The following SH3RF3 variants were observed in gnomAD, a reference collection of about 807,000 sequenced individuals.
SH3RF3 encodes the protein SH3 domain containing ring finger 3.
Under a neutral mutation model 66.3 loss-of-function variants are expected in SH3RF3, and 29 were observed. The observed-to-expected ratio is 0.44, with a 90% confidence interval of 0.33 to 0.60. The LOEUF (loss-of-function observed/expected upper bound fraction) is 0.60. Ranked by LOEUF, SH3RF3 falls within the 20% of genes least tolerant of loss-of-function variation. SH3RF3 has a pLI of 0.04. For synonymous variants in SH3RF3, 583 were observed against 532.0 expected (o/e 1.10, Z -1.32); for missense variants, 1,194 against 1,190.9 (o/e 1.00, Z -0.04).
At chr2:109,305,636 G>A (rs983149446) in intron 1 of SH3RF3, among the ~76,000 whole-genome samples, 2 of 152,192 alleles carry the variant, frequency 1.3e-5, no homozygotes, top group Non-Finnish European at 2.9e-5. Context: ...CCTCTTGACT[G>A]TGGGCCTCAT....
chr2:109,302,595 T>C (rs1371854541), intron 1 of SH3RF3, among the ~76,000 whole-genome samples: 1 of 152,178 alleles, frequency 6.6e-6, no homozygotes, highest in Admixed American at 6.5e-5. Flanking sequence ...ATTTTGACAG[T>C]GCTAAATTTC....
At chr2:109,163,355 T>A (rs973908904) in intron 1 of SH3RF3, among the ~76,000 whole-genome samples, 9 of 149,558 alleles carry the variant, frequency 6.0e-5, no homozygotes, top group Non-Finnish European at 8.9e-5. Flanking sequence ...AAGGGCGGAC[T>A]GGAGTTCTCA....
At chr2:109,222,303 A>G (rs1679272811) in intron 1 of SH3RF3, among the ~76,000 whole-genome samples, 1 of 152,366 alleles carries the variant, frequency 6.6e-6, no homozygotes, top group East Asian at 1.9e-4. Flanking sequence ...TTAGTTAACA[A>G]CAATTTATTG....
intron 1 of SH3RF3, among the ~76,000 whole-genome samples, chr2:109,133,912 T>C (rs1336147308): frequency 2.0e-5 from 3 of 151,984 alleles, no homozygotes. Context: ...TAGTCTCTGG[T>C]GGGTGTGGGT....
intron 1 of SH3RF3, among the ~76,000 whole-genome samples, chr2:109,341,234 T>C (rs752855397): frequency 2.0e-5 from 3 of 152,168 alleles, no homozygotes; most frequent in Non-Finnish European, 4.4e-5. Context: ...CGAAATATAA[T>C]TATCTGTAAA....
At chr2:109,320,358 C>T (rs1681993066) in intron 1 of SH3RF3, among the ~76,000 whole-genome samples, 1 of 152,174 alleles carries the variant, frequency 6.6e-6, no homozygotes, top group African/African-American at 2.4e-5. Context: ...TTCCCAAGCC[C>T]ACCTGAGCAG....
At chr2:109,240,453 A>G (rs905346405) in intron 1 of SH3RF3, among the ~76,000 whole-genome samples, 9 of 152,292 alleles carry the variant, frequency 5.9e-5, no homozygotes, top group African/African-American at 1.9e-4. Flanking sequence ...GCACCTCTGC[A>G]CTCCAGCCTG....
intron 1 of SH3RF3, among the ~76,000 whole-genome samples, chr2:109,289,203 G>A: frequency 6.6e-6 from 1 of 152,142 alleles, no homozygotes; most frequent in South Asian, 2.1e-4. Flanking sequence ...TTTCTCTGCT[G>A]TCATATGACT....
chr2:109,358,805 A>G (rs907481715), intron 2 of SH3RF3, among the ~76,000 whole-genome samples: 1 of 152,182 alleles, frequency 6.6e-6, no homozygotes, highest in African/African-American at 2.4e-5. Flanking sequence ...TAACTTATCA[A>G]TTCTTTCTTT....
intron 1 of SH3RF3, among the ~76,000 whole-genome samples, chr2:109,252,401 C>G (rs1475311621): frequency 1.3e-5 from 2 of 152,162 alleles, no homozygotes; most frequent in African/African-American, 4.8e-5. Flanking sequence ...TTAATGTTTA[C>G]TTCTGAAACT....
rs560852386 is a variant in SH3RF3, at chr2:109,366,230, T to C, written c.850-5356T>C. ...AGTAAAATTAATGATGACATTCCAC[T>C]TTATGGGCACCATGCAAATGGGTTT... On this transcript the variant is annotated intron_variant, in intron 2 of 9. Transcript: ENST00000309415. Among the ~76,000 whole-genome samples, 529 of 152,360 alleles carry C rather than the reference T, an allele frequency of 3.5e-3. 4 individuals are homozygous for C. The highest frequency in any genetic ancestry group is 0.011 in the African/African-American group (443 of 41,584).
At chr2:109,152,468 C>G (rs1677245504) in intron 1 of SH3RF3, among the ~76,000 whole-genome samples, 1 of 152,244 alleles carries the variant, frequency 6.6e-6, no homozygotes, top group Admixed American at 6.5e-5. Flanking sequence ...TTCCGGGTGC[C>G]TGATGGGCCT....
At chr2:109,249,037 A>G (rs1382059942) in intron 1 of SH3RF3, among the ~76,000 whole-genome samples, 1 of 151,988 alleles carries the variant, frequency 6.6e-6, no homozygotes, top group African/African-American at 2.4e-5. Context: ...GCATGCCACC[A>G]TGCCCAGCTA....
chr2:109,202,268 C>T, intron 1 of SH3RF3, among the ~76,000 whole-genome samples: 1 of 152,142 alleles, frequency 6.6e-6, no homozygotes, highest in East Asian at 1.9e-4. Context: ...GTGCTGCCTC[C>T]CAGGTCCATC....
intron 2 of SH3RF3, among the ~76,000 whole-genome samples, chr2:109,349,238 G>A (rs115280005): frequency 0.013 from 1,943 of 152,242 alleles, 44 homozygotes; most frequent in African/African-American, 0.044. Context: ...CATGTCCTGC[G>A]TACAGCTGCT....
At chr2:109,302,651 C>T (rs548611522) in intron 1 of SH3RF3, among the ~76,000 whole-genome samples, 80 of 152,290 alleles carry the variant, frequency 5.3e-4, no homozygotes, top group African/African-American at 1.1e-3. Flanking sequence ...AGGTCTGGCT[C>T]GGGATGGCGT....
At chr2:109,411,607 A>G (rs1213989069) in intron 4 of SH3RF3, among the ~76,000 whole-genome samples, 1 of 151,978 alleles carries the variant, frequency 6.6e-6, no homozygotes, top group Admixed American at 6.5e-5. Context: ...ATTTCTTTGT[A>G]CTTTTAGTTT....
chr2:109,247,400 G>C (rs1384249955), intron 1 of SH3RF3, among the ~76,000 whole-genome samples: 1 of 152,204 alleles, frequency 6.6e-6, no homozygotes, highest in Non-Finnish European at 1.5e-5. Context: ...ACTTGTGTAA[G>C]ACCAGCTGAG....
chr2:109,258,073 G>A (rs1201189593), intron 1 of SH3RF3, among the ~76,000 whole-genome samples: 1 of 152,166 alleles, frequency 6.6e-6, no homozygotes, highest in Non-Finnish European at 1.5e-5. Context: ...CCATCCCTGG[G>A]CTACCAGGCA....
Sources: allele counts gnomAD v4.1 joint callset (sites outside exome capture counted in the v4.1 genomes callset), GRCh38; gene constraint gnomAD v4.1.1; transcripts MANE v1.5; gene names NCBI Gene and HGNC (gene_info 2026-07-23, HGNC 2026-07-21).